STXBP4: variants seen among roughly 807,000 people sequenced by gnomAD.
The protein encoded by STXBP4 is syntaxin binding protein 4.
STXBP4 carries 55 observed loss-of-function variants against 76.1 expected under a neutral mutation model. The observed-to-expected ratio is 0.72, with a 90% CI of 0.58 to 0.91. STXBP4 has a LOEUF of 0.91. Ranked by LOEUF, STXBP4 falls within the 40% of genes least tolerant of loss-of-function variation. STXBP4 has a pLI of 0.00. For missense variants in STXBP4, 618 were observed against 636.9 expected, an observed-to-expected ratio of 0.97 and a Z score of 0.32; for synonymous variants, 201 against 220.2, an observed-to-expected ratio of 0.91 and a Z score of 0.77.
At chr17:55,112,720 A>T (rs2079734451) in intron 16 of STXBP4, among the ~76,000 whole-genome samples, 1 of 152,148 alleles carries the variant, frequency 6.6e-6, no homozygotes, top group African/African-American at 2.4e-5. Context: ...TGTAGTCTTG[A>T]TGGTTGAAAC....
At chr17:55,197,200 T>G in the STXBP4 span, among the ~76,000 whole-genome samples, 1 of 152,214 alleles carries the variant, frequency 6.6e-6, no homozygotes. Flanking sequence ...CAGGTGATTC[T>G]AATGTGCAGA....
At chr17:55,210,485 A>C in the STXBP4 span, among the ~76,000 whole-genome samples, 1 of 152,240 alleles carries the variant, frequency 6.6e-6, no homozygotes, top group Non-Finnish European at 1.5e-5. Context: ...TTGCCATCTG[A>C]GAGGCCTGTA....
At chr17:54,971,564 A>C (rs915152803) in intron 1 of STXBP4, among the ~76,000 whole-genome samples, 1 of 152,194 alleles carries the variant, frequency 6.6e-6, no homozygotes, top group Non-Finnish European at 1.5e-5. Context: ...AGCTACATTG[A>C]GGGGTTAGGG....
chr17:55,213,116 G>T, the STXBP4 span, among the ~76,000 whole-genome samples: 4,258 of 152,256 alleles, frequency 0.028, 88 homozygotes, highest in Middle Eastern at 0.11. Flanking sequence ...GCAGAGAGTA[G>T]ATGCGGTGGT....
the STXBP4 span, among the ~76,000 whole-genome samples, chr17:55,185,322 T>C: frequency 4.7e-3 from 672 of 142,494 alleles, 21 homozygotes; most frequent in East Asian, 0.02. Context: ...CTTCTCCTTC[T>C]CCTTCTCCTC....
At chr17:55,213,018 T>C in the STXBP4 span, among the ~76,000 whole-genome samples, 13 of 152,186 alleles carry the variant, frequency 8.5e-5, no homozygotes, top group Middle Eastern at 3.4e-3. Flanking sequence ...AGAAAACTGG[T>C]TGTGTGTGTC....
chr17:55,067,174 A>G (rs1341769262), intron 12 of STXBP4, among the ~76,000 whole-genome samples: 1 of 152,160 alleles, frequency 6.6e-6, no homozygotes, highest in Non-Finnish European at 1.5e-5. Flanking sequence ...ACTCTCAGAC[A>G]GATTGTGTTC....
intron 12 of STXBP4, among the ~76,000 whole-genome samples, chr17:55,054,230 T>TA (rs1283937417): frequency 6.6e-6 from 1 of 152,192 alleles, no homozygotes; most frequent in Non-Finnish European, 1.5e-5. Flanking sequence ...CTCACGCCTA[T>TA]AATCCCAGCA....
At chr17:55,007,894 GA>G (rs1271221462) in intron 8 of STXBP4, among the ~76,000 whole-genome samples, 1 of 152,140 alleles carries the variant, frequency 6.6e-6, no homozygotes, top group Non-Finnish European at 1.5e-5. Context: ...AGAATAAATG[GA>G]AAGATGTAAC....
At chr17:55,094,323 A>G (rs768228709) in intron 16 of STXBP4, among the ~76,000 whole-genome samples, 1 of 152,130 alleles carries the variant, frequency 6.6e-6, no homozygotes, top group Non-Finnish European at 1.5e-5. Flanking sequence ...GTAGGAAGGC[A>G]CAAGGAGTAA....
intron 1 of STXBP4, among the ~76,000 whole-genome samples, chr17:54,969,039 C>T (rs2144226832): frequency 6.6e-6 from 1 of 152,316 alleles, no homozygotes; most frequent in South Asian, 2.1e-4. Flanking sequence ...TGGCCGCTGG[C>T]TCCTGTGCTC....
intron 15 of STXBP4, among the ~76,000 whole-genome samples, chr17:55,080,131 T>G (rs1274885578): frequency 6.6e-6 from 1 of 152,160 alleles, no homozygotes; most frequent in Non-Finnish European, 1.5e-5. Context: ...TTTTAAAAAT[T>G]AAGGTTAAAA....
chr17:55,078,587 A>G (rs2079217345), intron 14 of STXBP4, 99 bp from the exon 15 acceptor site: 3 of 740,214 alleles, frequency 4.1e-6, no homozygotes, highest in Non-Finnish European at 4.5e-6. Flanking sequence ...CATCAGTTTA[A>G]TCCGTGGACA....
intron 16 of STXBP4, among the ~76,000 whole-genome samples, chr17:55,126,579 A>G (rs917899178): frequency 1.3e-5 from 2 of 152,182 alleles, no homozygotes; most frequent in Non-Finnish European, 2.9e-5. Flanking sequence ...AATTCAGTAA[A>G]TATACACTTA....
chr17:54,980,374 T>A (rs547302795), intron 1 of STXBP4, among the ~76,000 whole-genome samples: 1 of 152,334 alleles, frequency 6.6e-6, no homozygotes, highest in East Asian at 1.9e-4. Flanking sequence ...GTGCAGGGTC[T>A]TGACTACAAG....
intron 1 of STXBP4, among the ~76,000 whole-genome samples, chr17:54,969,840 A>G (rs906966397): frequency 7.9e-5 from 12 of 152,200 alleles, no homozygotes; most frequent in African/African-American, 2.9e-4. Context: ...CACTTCAGTG[A>G]TGGAGTGTCC....
chr17:55,185,263 CCTT>C, the STXBP4 span, among the ~76,000 whole-genome samples: 1 of 51,460 alleles, frequency 1.9e-5, no homozygotes, highest in African/African-American at 8.4e-5. Context: ...TTCTCCTTCT[CCTT>C]CTCCTTCTCC....
At chr17:55,060,699 G>T (rs1229483926) in intron 12 of STXBP4, among the ~76,000 whole-genome samples, 1 of 152,118 alleles carries the variant, frequency 6.6e-6, no homozygotes, top group Non-Finnish European at 1.5e-5. Flanking sequence ...ATGAGTTTTT[G>T]TGTCTTACAG....
At chr17:55,178,750 C>T in the STXBP4 span, among the ~76,000 whole-genome samples, 1 of 152,190 alleles carries the variant, frequency 6.6e-6, no homozygotes, top group Non-Finnish European at 1.5e-5. Context: ...ACCAGGACAG[C>T]TGAGGTCCAG....
Sources: gnomAD v4.1 joint callset for allele counts (sites outside exome capture counted in the v4.1 genomes callset) on GRCh38, gnomAD v4.1.1 for gene constraint, MANE v1.5 for transcripts, NCBI Gene and HGNC (gene_info 2026-07-23, HGNC 2026-07-21) for gene names.